Variants in RRM2 observed in about 807,000 individuals in gnomAD.
The protein encoded by RRM2 is ribonucleotide reductase regulatory subunit M2, also known as ribonucleoside-diphosphate reductase subunit M2.
In RRM2, 6 loss-of-function variants were observed where a neutral mutation model predicts 45.9. The observed-to-expected ratio is 0.13, with a 90% CI of 0.07 to 0.26. The LOEUF (loss-of-function observed/expected upper bound fraction) is 0.26, where lower values mean the gene tolerates loss of function less well. Among genes scored for constraint, RRM2 ranks in the 10% least tolerant of loss-of-function variants. The probability of loss-of-function intolerance (pLI) is 1.00; values close to 1 mark genes in which losing one functional copy is unlikely to be tolerated. For synonymous variants in RRM2, 177 were observed against 173.0 expected, an observed-to-expected ratio of 1.02 and a Z score of -0.18; for missense variants, 343 against 489.5, an observed-to-expected ratio of 0.70 and a Z score of 2.82.
intron 3 of RRM2, among the ~76,000 whole-genome samples, chr2:10,149,263 G>C (rs1333829855): frequency 6.6e-6 from 1 of 152,024 alleles, no homozygotes; most frequent in Non-Finnish European, 1.5e-5. Flanking sequence ...CAGGTAGCTG[G>C]GATTACAGGC....
chr2:10,162,505 A>T lies in RRM2; in HGVS notation n.482+20130A>T, dbSNP rs1009267582. Among the ~76,000 whole-genome samples, 6 of 152,166 alleles carry T rather than the reference A, an allele frequency of 3.9e-5. No individual in the cohort carries two copies. In the East Asian group the frequency reaches 1.2e-3, roughly 30 times the overall value. Reference sequence around the variant, plus strand: ...ACCCCTTCCTTCTCTGTCCCCAGAAAAAGTGCCGGCCACACTCTCCTTGGC... The same window carrying T: ...ACCCCTTCCTTCTCTGTCCCCAGAATAAGTGCCGGCCACACTCTCCTTGGC... On this transcript the variant is annotated intron_variant and non_coding_transcript_variant, in intron 3 of 3. Coordinates refer to the RRM2 transcript ENST00000381786.
Position 10,129,254 on chromosome 2 carries a change from A to C in RRM2, c.1038A>C (p.Pro346=), listed in dbSNP as rs758099243. The C allele has an allele frequency of 1.2e-6, 2 of 1,614,020 alleles. No individual in the cohort carries two copies. The highest frequency in any genetic ancestry group is 2.2e-5 in the South Asian group (2 of 91,006). The part of the protein sequence containing the change: ...GFSKVFRVEN[P]FDFMENISLE... Reference sequence around the variant, plus strand: ...TTCAGGTTTTCAGAGTAGAGAACCCATTTGACTTTATGGAGAATATTTCAC... The same window carrying C: ...TTCAGGTTTTCAGAGTAGAGAACCCCTTTGACTTTATGGAGAATATTTCAC... The change falls in exon 10 of 10, where the codon CCA becomes CCC. Residue 346 remains proline (P), a synonymous_variant. Coordinates refer to ENST00000304567, the MANE Select transcript of RRM2 (RefSeq NM_001034.4). This position sits in a 1 kb window ranked among gnomAD's most constrained non-coding sequence, Gnocchi z 4.8.
intron 3 of RRM2, among the ~76,000 whole-genome samples, chr2:10,176,474 G>T (rs895073837): frequency 5.9e-5 from 9 of 152,026 alleles, no homozygotes; most frequent in Non-Finnish European, 1.3e-4. Context: ...CTCCATGTTG[G>T]TCAGGCTGGT....
intron 3 of RRM2, among the ~76,000 whole-genome samples, chr2:10,147,044 C>T (rs1259988293): frequency 6.6e-6 from 1 of 152,086 alleles, no homozygotes; most frequent in Non-Finnish European, 1.5e-5. Context: ...CCTCTGCCTC[C>T]CGGGTTCAAG....
chr2:10,134,129 G>T (rs112965879), downstream of RRM2, among the ~76,000 whole-genome samples: 6,551 of 139,920 alleles, frequency 0.047, 497 homozygotes, highest in African/African-American at 0.16. Flanking sequence ...AGTGAGCTGA[G>T]ATTGCACTCC....
intron 3 of RRM2, among the ~76,000 whole-genome samples, chr2:10,202,453 A>C (rs2125333971): frequency 6.6e-6 from 1 of 152,372 alleles, no homozygotes; most frequent in Non-Finnish European, 1.5e-5. Flanking sequence ...ATTTTGGAGA[A>C]TAAACCTGAG....
intron 3 of RRM2, among the ~76,000 whole-genome samples, chr2:10,186,722 A>C (rs1664175057): frequency 6.6e-6 from 1 of 152,218 alleles, no homozygotes. Flanking sequence ...CCTGCTTAGC[A>C]CATAGTAAGT....
intron 3 of RRM2, among the ~76,000 whole-genome samples, chr2:10,173,885 G>T (rs1444235216): frequency 1.3e-5 from 2 of 152,212 alleles, no homozygotes; most frequent in African/African-American, 4.8e-5. Context: ...TGGCCGAGTG[G>T]CGATTGGGCT....
Position 10,169,744 on chromosome 2 carries a change from C to T in RRM2, n.482+27369C>T, listed in dbSNP as rs553200075. ...TCTCTGAGTTTGGAGAGCTGGCCTC[C>T]GCACTGGGCTTCCTGAGGACGGGAG... On this transcript the variant is annotated intron_variant and non_coding_transcript_variant, in intron 3 of 3. Coordinates refer to the RRM2 transcript ENST00000381786. This position sits in a 1 kb window ranked among gnomAD's most constrained non-coding sequence, Gnocchi z 5.1. Among the ~76,000 whole-genome samples the T allele has an allele frequency of 3.9e-5, 6 of 152,258 alleles. No individual in the cohort carries two copies. Among genetic ancestry groups the T allele is most frequent in the East Asian group, 1.9e-4 (1 of 5,180 alleles).
chr2:10,147,803 CTA>C (rs1245430359), intron 3 of RRM2, among the ~76,000 whole-genome samples: 1 of 152,100 alleles, frequency 6.6e-6, no homozygotes, highest in African/African-American at 2.4e-5. Context: ...TACCTCTATG[CTA>C]TCTTTTTCTT....
In RRM2 at chr2:10,161,630, GCTCACTCATGCA is replaced by G. The variant is rs369144734; in HGVS notation, n.482+19261_482+19272del. ...CACATTCATATGCATACTCACACAT[GCTCACTCATGCA>G]CTCACACATACACTCACACTCATGC... On this transcript the variant is annotated intron_variant and non_coding_transcript_variant, in intron 3 of 3. Coordinates refer to the RRM2 transcript ENST00000381786. Among the ~76,000 whole-genome samples the G allele has an allele frequency of 3.2e-3, 493 of 152,016 alleles. 2 individuals carry two copies. Among genetic ancestry groups the G allele is most frequent in the African/African-American group, 0.011 (452 of 41,440 alleles).
chr2:10,144,030 G>A (rs1264518287), intron 3 of RRM2, among the ~76,000 whole-genome samples: 4 of 152,248 alleles, frequency 2.6e-5, no homozygotes, highest in Admixed American at 6.5e-5. Context: ...TGGAGTGGCT[G>A]TGGATCTGAC....
At chr2:10,138,503 A>G (rs1663028775), upstream of RRM2, among the ~76,000 whole-genome samples, 1 of 151,862 alleles carries the variant, frequency 6.6e-6, no homozygotes. Context: ...GGGTTTCACC[A>G]TGTTGGTTGG....
At chr2:10,157,182 C>G (rs1006106914) in intron 3 of RRM2, among the ~76,000 whole-genome samples, 3 of 152,066 alleles carry the variant, frequency 2.0e-5, no homozygotes, top group Non-Finnish European at 4.4e-5. Flanking sequence ...GCGCCCGCCA[C>G]CGCGCCCGGC....
chr2:10,202,608 C>T (rs889562683), intron 3 of RRM2, among the ~76,000 whole-genome samples: 13 of 150,882 alleles, frequency 8.6e-5, no homozygotes, highest in African/African-American at 2.9e-4. Context: ...GGTTTCTGGT[C>T]GGCAGGGAAG....
intron 3 of RRM2, among the ~76,000 whole-genome samples, chr2:10,186,996 C>T (rs1664181244): frequency 6.6e-6 from 1 of 152,246 alleles, no homozygotes; most frequent in African/African-American, 2.4e-5. Context: ...AAGGGGGGCT[C>T]AGAGGAGGTG....
At chr2:10,141,717 C>G in intron 1 of RRM2, 1 of 1,253,030 alleles carries the variant, frequency 8.0e-7, no homozygotes, top group Non-Finnish European at 1.1e-6. Context: ...AAGGAAAGAG[C>G]AGGTGAGGGT....
rs1241948660 is a variant in RRM2, at chr2:10,185,682, A to G, written n.483-24629A>G. ...GAGGATGAGAAATTCTTACAAATGT[A>G]TATTTTTTGTGCCCCTGTGTCTCCC... On this transcript the variant is annotated intron_variant and non_coding_transcript_variant, in intron 3 of 3. Coordinates refer to the RRM2 transcript ENST00000381786. The surrounding 1 kb of genome is among the most constrained non-coding windows in gnomAD (Gnocchi z 4.3). Among the ~76,000 whole-genome samples the G allele has an allele frequency of 6.6e-6, 1 of 152,216 alleles. No homozygotes were observed. The highest frequency in any genetic ancestry group is 1.5e-5 in the Non-Finnish European group (1 of 68,038).
chr2:10,167,101 C>G (rs905006592), intron 3 of RRM2, among the ~76,000 whole-genome samples: 9 of 152,210 alleles, frequency 5.9e-5, no homozygotes, highest in African/African-American at 1.9e-4. Flanking sequence ...GTCAAGAGCC[C>G]TGGCACAGCT....
Sources: gnomAD v4.1 joint callset for allele counts (sites outside exome capture counted in the v4.1 genomes callset) on GRCh38, gnomAD v4.1.1 for gene constraint, Gnocchi (gnomAD v3.1) non-coding constraint, MANE v1.5 for transcripts, NCBI Gene and HGNC (gene_info 2026-07-23, HGNC 2026-07-21) for gene names.